CFAP46: variants seen among roughly 807,000 people sequenced by gnomAD.
The protein encoded by CFAP46 is cilia- and flagella-associated protein 46.
Under a neutral mutation model 325.7 loss-of-function variants are expected in CFAP46, and 245 were observed. The ratio of observed to expected loss-of-function variants is 0.75; its 90% CI spans 0.68 to 0.84. The LOEUF (loss-of-function observed/expected upper bound fraction) is 0.84. Among genes scored for constraint, CFAP46 ranks in the 40% least tolerant of loss-of-function variants. The pLI is 0.00. For missense variants in CFAP46, 3,346 were observed against 3,543.0 expected (o/e 0.94, Z 1.41); for synonymous variants, 1,523 against 1,495.9 (o/e 1.02, Z -0.42).
chr10:132,879,205 GA>G (rs1257935953), intron 29 of CFAP46, among the ~76,000 whole-genome samples: 2 of 152,312 alleles, frequency 1.3e-5, no homozygotes, highest in East Asian at 3.9e-4. Context: ...ATGAAGAGGG[GA>G]GTCTTTTGTT....
At chr10:132,839,173 C>T (rs1270652017) in intron 44 of CFAP46, among the ~76,000 whole-genome samples, 1 of 152,176 alleles carries the variant, frequency 6.6e-6, no homozygotes, top group East Asian at 1.9e-4. Flanking sequence ...CTCGGCAGGG[C>T]GTTTTTGGTG....
intron 41 of CFAP46, among the ~76,000 whole-genome samples, chr10:132,848,912 A>G (rs1426287623): frequency 2.0e-5 from 3 of 152,158 alleles, no homozygotes; most frequent in Admixed American, 2.0e-4. Flanking sequence ...CCTACGTATC[A>G]AAACTTGGGA....
chr10:132,934,579 C>T (rs1295266194), intron 8 of CFAP46, among the ~76,000 whole-genome samples, 173 bp downstream of exon 8: 1 of 152,200 alleles, frequency 6.6e-6, no homozygotes, highest in Non-Finnish European at 1.5e-5. Context: ...CAAGACAGTA[C>T]AAATCTCAGG....
chr10:132,833,438 AAC>A lies in CFAP46; in HGVS notation c.7035_7036del (p.Phe2346ArgfsTer2). On this transcript the variant is annotated frameshift_variant, in exon 50 of 58. Coordinates refer to ENST00000368586, the MANE Select transcript of CFAP46 (RefSeq NM_001200049.3). LOFTEE classifies it high-confidence loss of function. ...CACAGAGGAAATTGTCCCTTCATCG[AAC>A]ACAGAGAGACCTTCCAGTGGCAGCT... 1.2e-6 allele frequency: 2 copies of A among 1,614,220 alleles called. No individual in the cohort carries two copies. Among genetic ancestry groups the A allele is most frequent in the Non-Finnish European group, 1.7e-6 (2 of 1,180,046 alleles).
At chr10:132,900,056 C>A (rs1360170551) in intron 22 of CFAP46, among the ~76,000 whole-genome samples, 1 of 152,234 alleles carries the variant, frequency 6.6e-6, no homozygotes, top group Non-Finnish European at 1.5e-5. Flanking sequence ...TCACAGTAAC[C>A]TTATGAGCGA....
intron 50 of CFAP46, among the ~76,000 whole-genome samples, chr10:132,831,458 C>G (rs1848145741): frequency 6.6e-6 from 1 of 152,132 alleles, no homozygotes; most frequent in Admixed American, 6.5e-5. Flanking sequence ...TTCACATCCT[C>G]TTCATGAATT....
rs567784428 is a variant in CFAP46, at chr10:132,923,052, G to A, written c.1257-344C>T. Among the ~76,000 whole-genome samples, 594 of 152,344 alleles carry A rather than the reference G, an allele frequency of 3.9e-3. 2 individuals carry two copies. Among genetic ancestry groups the A allele is most frequent in the African/African-American group, 0.012 (506 of 41,576 alleles). On this transcript the variant is annotated intron_variant, in intron 11 of 57. Coordinates refer to ENST00000368586, the MANE Select transcript of CFAP46 (RefSeq NM_001200049.3). ...TGGTTCCCACAGGCCACGGCGGCAG[G>A]GGTCGGGGTGCAGGGCTGCGAAGGA...
chr10:132,883,580 C>A (rs1026916399), intron 27 of CFAP46, among the ~76,000 whole-genome samples: 1 of 152,254 alleles, frequency 6.6e-6, no homozygotes, highest in Admixed American at 6.5e-5. Context: ...TGGCCCCACA[C>A]AGGGCGACCG....
At chr10:132,850,940 A>G (rs975158658) in intron 40 of CFAP46, among the ~76,000 whole-genome samples, 177 bp downstream of exon 40, 17 of 152,218 alleles carry the variant, frequency 1.1e-4, no homozygotes, top group African/African-American at 3.6e-4. Context: ...GAGCCAATTC[A>G]GTCTCCTCAA....
In CFAP46 at chr10:132,884,423, G is replaced by A. The variant is rs949843926; in HGVS notation, c.3627+680C>T. 2.0e-5 allele frequency among the ~76,000 whole-genome samples: 3 copies of A among 152,206 alleles called. No individual in the cohort carries two copies. The highest frequency in any genetic ancestry group is 2.9e-5 in the Non-Finnish European group (2 of 68,038). On this transcript the variant is annotated intron_variant, in intron 27 of 57. Transcript: ENST00000368586. The surrounding 1 kb of genome is among the most constrained non-coding windows in gnomAD (Gnocchi z 5.4). ...CCTCGGGGCAGGATTGCTCTGAGCC[G>A]GAGAAACAGCTCGTGTAACAGAAAA... is the stretch of plus-strand genomic sequence containing the variant.
intron 57 of CFAP46, among the ~76,000 whole-genome samples, 188 bp from the exon 58 acceptor site, chr10:132,809,092 G>T (rs923950777): frequency 2.0e-5 from 3 of 152,058 alleles, no homozygotes; most frequent in Admixed American, 6.5e-5. Context: ...GAGGTGTCCA[G>T]GCCCGCGCAG....
Position 132,867,161 on chromosome 10 carries a change from G to T in CFAP46, c.4743+214C>A, listed in dbSNP as rs1367923286. Among the ~76,000 whole-genome samples the T allele has an allele frequency of 2.0e-5, 3 of 148,998 alleles. No homozygotes were observed. The South Asian group carries it at 6.7e-4, about 33-fold the overall frequency. ...CGCACACTGACACACACACAGGCCG[G>T]CCCCTCACACACTGACACACACACA... On this transcript the variant is annotated intron_variant, in intron 34 of 57. Coordinates refer to ENST00000368586, the MANE Select transcript of CFAP46 (RefSeq NM_001200049.3).
At chr10:132,882,253 G>A (rs1407241246) in intron 27 of CFAP46, among the ~76,000 whole-genome samples, 7 of 151,514 alleles carry the variant, frequency 4.6e-5, no homozygotes, top group Admixed American at 4.6e-4. Flanking sequence ...TGGAGTGTGT[G>A]AGTTGTGTGT....
chr10:132,940,261 C>T (rs1229428192), intron 4 of CFAP46, among the ~76,000 whole-genome samples: 1 of 152,128 alleles, frequency 6.6e-6, no homozygotes, highest in African/African-American at 2.4e-5. Flanking sequence ...ATTTAAATAT[C>T]CTCCAAACAT....
chr10:132,919,357 G>A lies in CFAP46; in HGVS notation c.1816C>T (p.Leu606=). The change falls in exon 15 of 58, where the codon CTG becomes TTG. Residue 606 remains leucine (L), a synonymous_variant. Coordinates refer to ENST00000368586, the MANE Select transcript of CFAP46 (RefSeq NM_001200049.3). This position sits in a 1 kb window ranked among gnomAD's most constrained non-coding sequence, Gnocchi z 9.7. Reference sequence around the variant, plus strand: ...TTCTTCACCTTGACGTTGTCATACAGGAGGCAGAAGCGGCTCGCCGTCCGA... The same window carrying A: ...TTCTTCACCTTGACGTTGTCATACAAGAGGCAGAAGCGGCTCGCCGTCCGA... ...VCRTASRFCL[L]YDNVKVKKLR... 1 of 1,550,198 alleles carries A rather than the reference G, an allele frequency of 6.5e-7. No homozygotes were observed. Among genetic ancestry groups the A allele is most frequent in the African/African-American group, 1.4e-5 (1 of 73,160 alleles).
intron 43 of CFAP46, among the ~76,000 whole-genome samples, chr10:132,846,715 T>C (rs902704285): frequency 8.5e-5 from 13 of 152,154 alleles, no homozygotes; most frequent in African/African-American, 3.1e-4. Flanking sequence ...CAGGTCTCCA[T>C]GTCTGCCCGA....
At chr10:132,903,700 C>T (rs149419774) in intron 22 of CFAP46, among the ~76,000 whole-genome samples, 249 of 152,150 alleles carry the variant, frequency 1.6e-3, no homozygotes, top group African/African-American at 5.5e-3. Flanking sequence ...CTTTCAAGGC[C>T]GGAACTAGGT....
chr10:132,816,817 A>T (rs1009426854), intron 50 of CFAP46, among the ~76,000 whole-genome samples: 2 of 152,218 alleles, frequency 1.3e-5, no homozygotes, highest in East Asian at 3.8e-4. Flanking sequence ...TGAGCTGTTG[A>T]ATTTTCAAGT....
intron 44 of CFAP46, among the ~76,000 whole-genome samples, chr10:132,837,904 CA>C (rs1365730282): frequency 1.2e-5 from 1 of 85,468 alleles, no homozygotes; most frequent in Non-Finnish European, 2.4e-5. Context: ...CACAGATGAA[CA>C]CATACACGGA....
Sources: allele counts gnomAD v4.1 joint callset (sites outside exome capture counted in the v4.1 genomes callset), GRCh38; gene constraint gnomAD v4.1.1; non-coding constraint Gnocchi (gnomAD v3.1); transcripts MANE v1.5; gene names NCBI Gene and HGNC (gene_info 2026-07-23, HGNC 2026-07-21).